The following NQO1 variants were observed in gnomAD, a reference collection of about 807,000 sequenced individuals.
The protein encoded by NQO1 is NAD(P)H dehydrogenase [quinone] 1.
In NQO1, 30 loss-of-function variants were observed where a neutral mutation model predicts 32.1. The ratio of observed to expected loss-of-function variants is 0.94; its 90% CI spans 0.70 to 1.27. The LOEUF (loss-of-function observed/expected upper bound fraction) is 1.27. Ranked by LOEUF, NQO1 falls within the 50% of genes most tolerant of loss-of-function variation. The probability of loss-of-function intolerance (pLI) is 0.00; values close to 1 mark genes in which losing one functional copy is unlikely to be tolerated. For missense variants in NQO1, 276 were observed against 331.3 expected, an observed-to-expected ratio of 0.83 and a Z score of 1.30; for synonymous variants, 109 against 119.7, an observed-to-expected ratio of 0.91 and a Z score of 0.59.
chr16:69,709,927 AT>A lies in NQO1; in HGVS notation c.*1048del, dbSNP rs1348434074. On this transcript the variant is annotated 3_prime_UTR_variant, in exon 6 of 6. Transcript: ENST00000320623. ...AATTTGTATAGATCAGAAATAAAGT[AT>A]TTTTTGTGGAAGACTATTTTTAAGT... 1 of 397,998 alleles carries A rather than the reference AT, an allele frequency of 2.5e-6. No homozygotes were observed. The allele number at this position is 397,998 out of a possible 1,614,324, so 24.7% of individuals were successfully genotyped here.
chr16:69,725,199 G>C (rs1402970730), intron 1 of NQO1, among the ~76,000 whole-genome samples: 1 of 152,192 alleles, frequency 6.6e-6, no homozygotes, highest in East Asian at 1.9e-4. Context: ...GATAATTTCA[G>C]TTTGTCAACT....
In NQO1 at chr16:69,709,628, GTC is replaced by G. The variant is rs1276578470; in HGVS notation, c.*1346_*1347del. ...TCATTTTCTTGGCAAGTAAGAGGCT[GTC>G]TCCCATTTTTCAGGCAACCTTTTCA... On this transcript the variant is annotated 3_prime_UTR_variant, in exon 6 of 6. Coordinates refer to ENST00000320623, the MANE Select transcript of NQO1 (RefSeq NM_000903.3). 2.5e-6 allele frequency: 1 copy of G among 394,858 alleles called. No individual in the cohort carries two copies. The highest frequency in any genetic ancestry group is 4.5e-6 in the Non-Finnish European group (1 of 224,208). The allele number at this position is 394,858 out of a possible 1,614,324, so 24.5% of individuals were successfully genotyped here. A position where few individuals can be genotyped will look rare whatever the true frequency, so the allele number is the denominator to read the frequency against.
chr16:69,716,189 A>ATC (rs1555537917), intron 3 of NQO1, among the ~76,000 whole-genome samples: 17,499 of 138,306 alleles, frequency 0.13, 1,401 homozygotes, highest in East Asian at 0.4. Flanking sequence ...TAATAATAAT[A>ATC]ATAATCATCA....
At chr16:69,721,109 G>A (rs1334475926) in intron 1 of NQO1, among the ~76,000 whole-genome samples, 1 of 148,232 alleles carries the variant, frequency 6.7e-6, no homozygotes, top group Non-Finnish European at 1.5e-5. Context: ...ATTTGGAGCC[G>A]TGTTGCCCAG....
At chr16:69,715,751 G>C (rs545306014) in intron 3 of NQO1, among the ~76,000 whole-genome samples, 39 of 152,324 alleles carry the variant, frequency 2.6e-4, no homozygotes, top group Admixed American at 2.4e-3. Context: ...CTGGGTGACA[G>C]AGTGAGACCC....
rs1295929340 is a variant in NQO1 at position 69,723,568 on chromosome 16, C to T, written c.7+2865G>A. 7.2e-5 allele frequency among the ~76,000 whole-genome samples: 11 copies of T among 152,000 alleles called. No individual in the cohort carries two copies. The South Asian group carries it at 8.3e-4, about 12-fold the overall frequency. On this transcript the variant is annotated intron_variant, in intron 1 of 5. Coordinates refer to ENST00000320623, the MANE Select transcript of NQO1 (RefSeq NM_000903.3). The stretch of plus-strand genomic sequence containing the variant: ...ATCTCAGCACTTTGGGAGGCTGAGG[C>T]GGGCAGATCACCTCATGTCAGGAGT...
intron 3 of NQO1, among the ~76,000 whole-genome samples, chr16:69,715,640 C>T (rs112528916): frequency 3.4e-4 from 52 of 152,134 alleles, no homozygotes; most frequent in African/African-American, 1.2e-3. Context: ...TGGTGGCGCA[C>T]GCCTGTAGTC....
Position 69,725,760 on chromosome 16 carries a change from G to C in NQO1, c.7+673C>G, listed in dbSNP as rs140357014. Reference sequence around the variant, plus strand: ...ATGATGGCGCACTCCTGTAATCCCAGCTACTCGGGAGGCTGAGATGGGAGA... The same window carrying C: ...ATGATGGCGCACTCCTGTAATCCCACCTACTCGGGAGGCTGAGATGGGAGA... On this transcript the variant is annotated intron_variant, in intron 1 of 5. Transcript: ENST00000320623. Among the ~76,000 whole-genome samples, 13 of 152,356 alleles carry C rather than the reference G, an allele frequency of 8.5e-5. No individual in the cohort carries two copies. The East Asian group carries it at 2.3e-3, about 27-fold the overall frequency.
rs909365932 is a variant in NQO1 at position 69,713,089 on chromosome 16, C to T, written c.458G>A (p.Gly153Asp). The T allele has an allele frequency of 1.2e-6, 2 of 1,613,954 alleles. No homozygotes were observed. The highest frequency in any genetic ancestry group is 1.1e-5 in the South Asian group (1 of 91,078). ...GATCCCTTGCAGAGAGTACATGGAG[C>T]CACTGCCACCAGTGGTGATGGAAAG... The part of the protein sequence containing the change: ...AVLSITTGGS[G>D]SMYSLQGIHG... The change falls in exon 5 of 6, where the codon GGC (glycine) becomes GAC (aspartate). Residue 153 changes from glycine to aspartate, a missense_variant. By Grantham distance (94) the Gly-to-Asp change is moderately conservative. Transcript: ENST00000320623.
In NQO1 at chr16:69,709,591, G is replaced by T; in HGVS notation, c.*1385C>A. On this transcript the variant is annotated 3_prime_UTR_variant, in exon 6 of 6. Transcript: ENST00000320623. Reference sequence around the variant, plus strand: ...TCTGGTAAAGGAGGTTTTCCAGCTCGGTCCAATCCCTTCATTTTCTTGGCA... The same window carrying T: ...TCTGGTAAAGGAGGTTTTCCAGCTCTGTCCAATCCCTTCATTTTCTTGGCA... 1 of 392,044 alleles carries T rather than the reference G, an allele frequency of 2.6e-6. No individual in the cohort carries two copies. The highest frequency in any genetic ancestry group is 4.5e-6 in the Non-Finnish European group (1 of 222,414). The allele number at this position is 392,044 out of a possible 1,614,324, so 24.3% of individuals were successfully genotyped here.
chr16:69,717,932 C>A, intron 3 of NQO1, 191 bp downstream of exon 3: 1 of 871,782 alleles, frequency 1.1e-6, no homozygotes, highest in Non-Finnish European at 1.7e-6. Context: ...TTTACACATG[C>A]AACAGTAATA....
chr16:69,721,759 C>T (rs1203072341), intron 1 of NQO1, among the ~76,000 whole-genome samples: 2 of 148,678 alleles, frequency 1.3e-5, no homozygotes, highest in African/African-American at 2.5e-5. Flanking sequence ...TTTGGGAAGC[C>T]GAGGCAGGCA....
intron 1 of NQO1, among the ~76,000 whole-genome samples, chr16:69,723,052 A>T (rs2917672): frequency 1.3e-5 from 2 of 152,014 alleles, no homozygotes; most frequent in African/African-American, 4.8e-5. Context: ...CTCAGCCTCC[A>T]GAGTAGCTGG....
In NQO1 at chr16:69,709,760, T is replaced by C. The variant is rs1317579252; in HGVS notation, c.*1216A>G. 1 of 398,444 alleles carries C rather than the reference T, an allele frequency of 2.5e-6. No individual in the cohort carries two copies. Among genetic ancestry groups the C allele is most frequent in the African/African-American group, 2.1e-5 (1 of 48,608 alleles). 24.7% of individuals were successfully genotyped at this position (398,444 alleles called of 1,614,324 possible). Reference sequence around the variant, plus strand: ...AGTGGAATGAGATGACTTCCAGAAGTAGAAATTGACTATTATGCCAAAACT... The same window carrying C: ...AGTGGAATGAGATGACTTCCAGAAGCAGAAATTGACTATTATGCCAAAACT... On this transcript the variant is annotated 3_prime_UTR_variant, in exon 6 of 6. Transcript: ENST00000320623.
intron 3 of NQO1, among the ~76,000 whole-genome samples, chr16:69,715,320 A>T (rs1003319125): frequency 6.6e-6 from 1 of 152,244 alleles, no homozygotes; most frequent in Non-Finnish European, 1.5e-5. Flanking sequence ...GTAAAGCTAG[A>T]TACACAGAAG....
At position 69,711,272 on chromosome 16, in the gene NQO1, G is replaced by A. The variant is rs1363535492; in HGVS notation, c.529C>T (p.Leu177=). 1 of 1,607,458 alleles carries A rather than the reference G, an allele frequency of 6.2e-7. No homozygotes were observed. Among genetic ancestry groups the A allele is most frequent in the Admixed American group, 1.7e-5 (1 of 59,832 alleles). ...VILWPIQSGI[L]HFCGFQVLEP... is the part of the protein sequence containing the mutation. ...AAGACTTGGAAGCCACAGAAATGCAGAATGCCACTCTGAGGATACAGAAAG... is the reference window on the plus strand; with the variant it reads ...AAGACTTGGAAGCCACAGAAATGCAAAATGCCACTCTGAGGATACAGAAAG... The change falls in exon 6 of 6, where the codon CTG becomes TTG. Residue 177 remains leucine (L), a synonymous_variant. Coordinates refer to ENST00000320623, the MANE Select transcript of NQO1 (RefSeq NM_000903.3).
intron 1 of NQO1, among the ~76,000 whole-genome samples, chr16:69,726,177 C>T (rs936080948): frequency 6.6e-6 from 1 of 152,206 alleles, no homozygotes; most frequent in South Asian, 2.1e-4. Flanking sequence ...GGAATTTCTG[C>T]TTCCAAGGTC....
chr16:69,717,639 T>C (rs2151745115), intron 3 of NQO1, among the ~76,000 whole-genome samples: 1 of 150,790 alleles, frequency 6.6e-6, no homozygotes, highest in East Asian at 1.9e-4. Context: ...AGAATCTCGC[T>C]CTGTCGCCAT....
rs2038011578 is a variant in NQO1 at position 69,709,709 on chromosome 16, T to G, written c.*1267A>C. Reference sequence around the variant, plus strand: ...CACAAGAGGGCAGTGTTTTATCATATTCTCCTTGAATTATATAATACCAAC... The same window carrying G: ...CACAAGAGGGCAGTGTTTTATCATAGTCTCCTTGAATTATATAATACCAAC... On this transcript the variant is annotated 3_prime_UTR_variant, in exon 6 of 6. Coordinates refer to ENST00000320623, the MANE Select transcript of NQO1 (RefSeq NM_000903.3). 1.3e-5 allele frequency: 5 copies of G among 398,244 alleles called. No homozygotes were observed. The highest frequency in any genetic ancestry group is 2.2e-5 in the Non-Finnish European group (5 of 225,954). 24.7% of individuals were successfully genotyped at this position (398,244 alleles called of 1,614,324 possible).
Sources: gnomAD v4.1 joint callset for allele counts (sites outside exome capture counted in the v4.1 genomes callset) on GRCh38, gnomAD v4.1.1 for gene constraint, MANE v1.5 for transcripts, NCBI Gene and HGNC (gene_info 2026-07-23, HGNC 2026-07-21) for gene names.